Variants in OSBP observed in about 807,000 individuals in gnomAD.
OSBP encodes the protein oxysterol-binding protein 1.
In OSBP, 32 loss-of-function variants were observed where a neutral mutation model predicts 96.6. The observed-to-expected ratio is 0.33, with a 90% CI of 0.25 to 0.45. The LOEUF is 0.45. Ranked by LOEUF, OSBP falls within the 20% of genes least tolerant of loss-of-function variation. The pLI, the probability that OSBP is intolerant of heterozygous loss-of-function variation, is 1.00. For missense variants in OSBP, 653 were observed against 1,029.7 expected (o/e 0.63, Z 5.01); for synonymous variants, 369 against 389.6 (o/e 0.95, Z 0.62).
chr11:59,596,710 A>C (rs1008076388), intron 7 of OSBP, among the ~76,000 whole-genome samples: 2 of 152,050 alleles, frequency 1.3e-5, no homozygotes, highest in African/African-American at 4.8e-5. Flanking sequence ...AGAGAGGAGG[A>C]TCAGGAGAAT....
Position 59,615,719 on chromosome 11 carries a change from G to A in OSBP, c.-55C>T, listed in dbSNP as rs1860920436. ...GGAACCGCCTACGAGAGCCGCCGTC[G>A]CCGCCCGGAGCGCCCCACACGGCTA... On this transcript the variant is annotated 5_prime_UTR_variant, in exon 1 of 14. Coordinates refer to ENST00000263847, the MANE Select transcript of OSBP (RefSeq NM_002556.3). 13 of 1,249,732 alleles carry A rather than the reference G, an allele frequency of 1.0e-5. No homozygotes were observed. The South Asian group carries it at 2.0e-4, about 19-fold the overall frequency. The allele number at this position is 1,249,732 out of a possible 1,614,324, so 77.4% of individuals were successfully genotyped here.
chr11:59,601,607 T>C (rs1474137310), intron 4 of OSBP, 33 bp downstream of exon 4: 1 of 1,603,716 alleles, frequency 6.2e-7, no homozygotes, highest in Non-Finnish European at 8.5e-7. Context: ...TGGCTCACCT[T>C]AGACCAGGCT....
At chr11:59,606,351 A>T (rs1860780780) in intron 3 of OSBP, among the ~76,000 whole-genome samples, 1 of 148,452 alleles carries the variant, frequency 6.7e-6, no homozygotes, top group African/African-American at 2.5e-5. Flanking sequence ...AAACGGCCAT[A>T]AAAAAAAAAC....
intron 9 of OSBP, 168 bp downstream of exon 9, chr11:59,593,436 A>C: frequency 1.5e-6 from 1 of 651,614 alleles, no homozygotes; most frequent in East Asian, 2.7e-5. Flanking sequence ...TAGCCTCCAC[A>C]CTCATTTGAT....
intron 3 of OSBP, among the ~76,000 whole-genome samples, chr11:59,605,950 G>A (rs1860775619): frequency 6.6e-6 from 1 of 152,206 alleles, no homozygotes; most frequent in Admixed American, 6.5e-5. Flanking sequence ...CATGAAGGCA[G>A]TTGGACTCCA....
chr11:59,580,410 A>G (rs1860406990), intron 10 of OSBP, 141 bp from the exon 11 acceptor site: 2 of 636,072 alleles, frequency 3.1e-6, no homozygotes, highest in African/African-American at 3.7e-5. Flanking sequence ...AGCCTTGGGA[A>G]TGCTATAGAA....
In OSBP at chr11:59,576,542, T is replaced by G; in HGVS notation, c.*35A>C. On this transcript the variant is annotated 3_prime_UTR_variant, in exon 14 of 14. Transcript: ENST00000263847. The stretch of plus-strand genomic sequence containing the variant: ...TTCCCACACATCCTCTGTCCTCTTC[T>G]CCATTATATGCTCCTCTTTTTTGTT... The G allele has an allele frequency of 3.7e-6, 6 of 1,600,876 alleles. No individual in the cohort carries two copies. Among genetic ancestry groups the G allele is most frequent in the Non-Finnish European group, 5.1e-6 (6 of 1,174,238 alleles).
intron 3 of OSBP, among the ~76,000 whole-genome samples, chr11:59,606,590 A>G (rs1565120736): frequency 6.6e-6 from 1 of 152,232 alleles, no homozygotes; most frequent in Non-Finnish European, 1.5e-5. Context: ...TACGTTCACT[A>G]CTTGGGCAAT....
intron 1 of OSBP, among the ~76,000 whole-genome samples, chr11:59,612,492 T>TG (rs1860862566): frequency 1.3e-5 from 2 of 152,102 alleles, no homozygotes; most frequent in Non-Finnish European, 2.9e-5. Flanking sequence ...GGGTCATCAT[T>TG]GTAGGAATCT....
intron 9 of OSBP, chr11:59,593,347 C>A: frequency 2.7e-6 from 1 of 364,526 alleles, no homozygotes; most frequent in Non-Finnish European, 5.0e-6. Flanking sequence ...AACTTGTGTT[C>A]TAAATAGTGC....
In OSBP at chr11:59,575,943, G is replaced by C. The variant is rs1276369272; in HGVS notation, c.*634C>G. The C allele has an allele frequency of 6.6e-6, 1 of 152,170 alleles. No individual in the cohort carries two copies. The highest frequency in any genetic ancestry group is 1.5e-5 in the Non-Finnish European group (1 of 68,038). The allele number at this position is 152,170 out of a possible 1,614,324, so 9.4% of individuals were successfully genotyped here. ...GGGGTGTTTGATGCAAGTAAAAACA[G>C]AAACTTCCAAGAATGTAACTCTGAA... On this transcript the variant is annotated 3_prime_UTR_variant, in exon 14 of 14. Transcript: ENST00000263847.
chr11:59,585,294 G>T (rs1205054298), intron 9 of OSBP, among the ~76,000 whole-genome samples: 1 of 147,612 alleles, frequency 6.8e-6, no homozygotes, highest in Non-Finnish European at 1.5e-5. Flanking sequence ...TGCCGCCCCG[G>T]CTGGGATGAG....
intron 9 of OSBP, among the ~76,000 whole-genome samples, chr11:59,583,005 T>C (rs187270405): frequency 2.6e-5 from 4 of 152,210 alleles, no homozygotes; most frequent in South Asian, 4.1e-4. Context: ...TTAAAAGATA[T>C]ATAGTTAATA....
chr11:59,590,426 T>C (rs1860563488), intron 9 of OSBP, among the ~76,000 whole-genome samples: 1 of 152,198 alleles, frequency 6.6e-6, no homozygotes, highest in Non-Finnish European at 1.5e-5. Context: ...TCAGATCACA[T>C]ACTAGCTGGT....
intron 7 of OSBP, among the ~76,000 whole-genome samples, chr11:59,600,249 G>A (rs139173653): frequency 6.6e-6 from 1 of 152,286 alleles, no homozygotes; most frequent in African/African-American, 2.4e-5. Flanking sequence ...AGTGCATCTA[G>A]CATAGGAATT....
At position 59,600,589 on chromosome 11, in the gene OSBP, T is replaced by C. The variant is rs1461882712; in HGVS notation, c.1218A>G (p.Arg406=). 1 of 1,613,996 alleles carries C rather than the reference T, an allele frequency of 6.2e-7. No homozygotes were observed. The highest frequency in any genetic ancestry group is 8.5e-7 in the Non-Finnish European group (1 of 1,179,980). Residue 406 remains arginine (R), a synonymous_variant, in exon 7 of 14, where the codon AGA becomes AGG. Transcript: ENST00000263847. Reference sequence around the variant, plus strand: ...AGTTTGGCTTGTATGGTATTCTGGTTCTCTTTTCCTTTTTGGTCTCCTCCA... The same window carrying C: ...AGTTTGGCTTGTATGGTATTCTGGTCCTCTTTTCCTTTTTGGTCTCCTCCA... The part of the protein sequence containing the change: ...HQLEETKKEK[R]TRIPYKPNYS...
At position 59,585,807 on chromosome 11, in the gene OSBP, A is replaced by G. The variant is rs559043576; in HGVS notation, c.1679-4253T>C. Among the ~76,000 whole-genome samples the G allele has an allele frequency of 1.2e-4, 18 of 152,356 alleles. No individual in the cohort carries two copies. In the South Asian group the frequency reaches 3.7e-3, roughly 32 times the overall value. On this transcript the variant is annotated intron_variant, in intron 9 of 13. Coordinates refer to ENST00000263847, the MANE Select transcript of OSBP (RefSeq NM_002556.3). The stretch of plus-strand genomic sequence containing the variant: ...AAGAAGTATACATGGGAGACTTTTC[A>G]TTTTGTTCTGTTCTAAGAAAAATTC...
intron 7 of OSBP, among the ~76,000 whole-genome samples, chr11:59,599,260 G>A (rs549939782): frequency 1.2e-4 from 18 of 152,330 alleles, no homozygotes; most frequent in African/African-American, 3.8e-4. Flanking sequence ...GTAAATGAAA[G>A]AGTATCATTG....
Position 59,615,428 on chromosome 11 carries a change from C to G in OSBP, c.237G>C (p.Ser79=), listed in dbSNP as rs561586976. ...GPAPAPPTGG[S]GGSGAGGSGS... ...CCGAACCCCCAGCGCCCGAGCCGCC[C>G]GAGCCCCCAGTCGGCGGCGCAGGGG... is the stretch of plus-strand genomic sequence containing the variant. The change falls in exon 1 of 14, where the codon TCG becomes TCC. Residue 79 remains serine (S), a synonymous_variant. Coordinates refer to ENST00000263847, the MANE Select transcript of OSBP (RefSeq NM_002556.3). 2 of 1,502,314 alleles carry G rather than the reference C, an allele frequency of 1.3e-6. No homozygotes were observed. 93.1% of individuals were successfully genotyped at this position (1,502,314 alleles called of 1,614,324 possible).
Sources: allele counts gnomAD v4.1 joint callset (sites outside exome capture counted in the v4.1 genomes callset), GRCh38; gene constraint gnomAD v4.1.1; transcripts MANE v1.5; gene names NCBI Gene and HGNC (gene_info 2026-07-23, HGNC 2026-07-21).